UBL5: variants seen among roughly 807,000 people sequenced by gnomAD.
The protein encoded by UBL5 is ubiquitin-like protein 5.
Under a neutral mutation model 11.7 loss-of-function variants are expected in UBL5, and 13 were observed. The observed-to-expected ratio is 1.11, with a 90% CI of 0.73 to 1.77. The LOEUF (loss-of-function observed/expected upper bound fraction) is 1.77, where lower values mean the gene tolerates loss of function less well. Ranked by LOEUF, UBL5 falls within the 40% of genes most tolerant of loss-of-function variation. The probability of loss-of-function intolerance (pLI) is 0.00; values close to 1 mark genes in which losing one functional copy is unlikely to be tolerated. For missense variants in UBL5, 58 were observed against 92.3 expected (o/e 0.63, Z 1.52); for synonymous variants, 28 against 34.7 (o/e 0.81, Z 0.68).
chr19:9,828,261 T>G (rs2046035544), intron 1 of UBL5, 66 bp from the exon 2 acceptor site: 1 of 1,498,812 alleles, frequency 6.7e-7, no homozygotes, highest in African/African-American at 1.4e-5. Flanking sequence ...GGCTGGGGCT[T>G]CTGGGCCTGG....
chr19:9,828,858 C>T lies in UBL5; in HGVS notation c.162C>T (p.His54=), dbSNP rs1444060008. 7.4e-6 allele frequency: 12 copies of T among 1,614,032 alleles called. No homozygotes were observed. The highest frequency in any genetic ancestry group is 2.2e-5 in the East Asian group (1 of 44,898). ...TTAGGTACACGATTTTTAAGGACCA[C>T]GTGTCTCTGGGGGACTGTATCCTTT... The part of the protein sequence containing the change: ...LKKWYTIFKD[H]VSLGDYEIHD... Residue 54 remains histidine (H), a synonymous_variant, in exon 4 of 5, where the codon CAC becomes CAT. Transcript: ENST00000586895.
At position 9,828,315 on chromosome 19, in the gene UBL5, CGCTTTGTGTA is replaced by C. The variant is rs748299028; in HGVS notation, c.-11-8_-10del. On this transcript the variant is annotated splice_acceptor_variant and splice_polypyrimidine_tract_variant and intron_variant, in intron 1 of 4. Coordinates refer to ENST00000586895, the MANE Select transcript of UBL5 (RefSeq NM_001048241.3). ...ACTTTGCTGCCTCCCACCCACCCCC[CGCTTTGTGTA>C]GCTCCAGCTAGGATGATCGAGGTTG... 1.2e-6 allele frequency: 2 copies of C among 1,612,040 alleles called. No individual in the cohort carries two copies. Among genetic ancestry groups the C allele is most frequent in the African/African-American group, 1.3e-5 (1 of 74,962 alleles).
Position 9,828,315 on chromosome 19 carries a change from C to G in UBL5, c.-11-12C>G. The G allele has an allele frequency of 6.2e-7, 1 of 1,612,040 alleles. No individual in the cohort carries two copies. The highest frequency in any genetic ancestry group is 1.1e-5 in the South Asian group (1 of 91,012). On this transcript the variant is annotated splice_polypyrimidine_tract_variant and intron_variant, in intron 1 of 4. Coordinates refer to ENST00000586895, the MANE Select transcript of UBL5 (RefSeq NM_001048241.3). Reference sequence around the variant, plus strand: ...ACTTTGCTGCCTCCCACCCACCCCCCGCTTTGTGTAGCTCCAGCTAGGATG... The same window carrying G: ...ACTTTGCTGCCTCCCACCCACCCCCGGCTTTGTGTAGCTCCAGCTAGGATG...
intron 4 of UBL5, 73 bp downstream of exon 4, chr19:9,828,947 G>A (rs2046040827): frequency 1.4e-6 from 2 of 1,451,242 alleles, no homozygotes; most frequent in East Asian, 2.3e-5. Context: ...ACTAAAGTCT[G>A]CATGAGCTTA....
Position 9,828,296 on chromosome 19 carries a change from C to T in UBL5, c.-11-31C>T, listed in dbSNP as rs372660273. 73 of 1,605,570 alleles carry T rather than the reference C, an allele frequency of 4.5e-5. No individual in the cohort carries two copies. In the African/African-American group the frequency reaches 5.8e-4, roughly 13 times the overall value. On this transcript the variant is annotated intron_variant, in intron 1 of 4. Transcript: ENST00000586895. Reference sequence around the variant, plus strand: ...GGAGACGCCTGAAGCTCTGACTTTGCTGCCTCCCACCCACCCCCCGCTTTG... The same window carrying T: ...GGAGACGCCTGAAGCTCTGACTTTGTTGCCTCCCACCCACCCCCCGCTTTG...
At chr19:9,828,767 G>A (rs1271127226) in intron 3 of UBL5, 70 bp from the exon 4 acceptor site, 1 of 1,610,734 alleles carries the variant, frequency 6.2e-7, no homozygotes, top group African/African-American at 1.3e-5. Context: ...GCTTAGGCTT[G>A]GCTACCTCAT....
At position 9,829,996 on chromosome 19, in the gene UBL5, T is replaced by TTA; in HGVS notation, c.212_213dup (p.Tyr72IlefsTer5). On this transcript the variant is annotated frameshift_variant, in exon 5 of 5. Coordinates refer to ENST00000586895, the MANE Select transcript of UBL5 (RefSeq NM_001048241.3). ...TCCACGATGGGATGAACCTGGAGCT[T>TTA]TATTATCAATAGATGAGAATCCTCA... The TTA allele has an allele frequency of 3.7e-6, 6 of 1,614,060 alleles. No homozygotes were observed. Among genetic ancestry groups the TTA allele is most frequent in the Non-Finnish European group, 5.1e-6 (6 of 1,179,952 alleles).
chr19:9,828,231 C>A, intron 1 of UBL5, 96 bp from the exon 2 acceptor site: 1 of 1,208,128 alleles, frequency 8.3e-7, no homozygotes, highest in Non-Finnish European at 1.2e-6. Flanking sequence ...ATTTTAGGGC[C>A]TGGGACTGGG....
rs768776376 is a variant in UBL5, at chr19:9,828,355, C to T, written c.18C>T (p.Cys6=). ...CAGCTAGGATGATCGAGGTTGTTTG[C>T]AACGACCGTCTGGGGAAGAAGGTCC... is the stretch of plus-strand genomic sequence containing the variant. The part of the protein sequence containing the change: MIEVV[C]NDRLGKKVRV... Residue 6 remains cysteine, a synonymous_variant, in exon 2 of 5, where the codon TGC becomes TGT. Coordinates refer to ENST00000586895, the MANE Select transcript of UBL5 (RefSeq NM_001048241.3). 2 of 1,612,320 alleles carry T rather than the reference C, an allele frequency of 1.2e-6. No homozygotes were observed. The highest frequency in any genetic ancestry group is 1.7e-6 in the Non-Finnish European group (2 of 1,179,502).
At chr19:9,829,133 A>C (rs974689648) in intron 4 of UBL5, 11 of 544,046 alleles carry the variant, frequency 2.0e-5, no homozygotes, top group African/African-American at 1.7e-4. Flanking sequence ...GTGGGGTGAG[A>C]CTCAGGCATA....
In UBL5 at chr19:9,829,976, G is replaced by T. The variant is rs765166469; in HGVS notation, c.190G>T (p.Asp64Tyr). 1 of 1,613,980 alleles carries T rather than the reference G, an allele frequency of 6.2e-7. No homozygotes were observed. Among genetic ancestry groups the T allele is most frequent in the African/African-American group, 1.3e-5 (1 of 74,912 alleles). Residue 64 changes from aspartate to tyrosine, a missense_variant, in exon 5 of 5, where the codon GAT becomes TAT. Coordinates refer to ENST00000586895, the MANE Select transcript of UBL5 (RefSeq NM_001048241.3). ...HVSLGDYEIHDGMNLELYYQ is the reference protein window; with the variant it reads ...HVSLGDYEIHYGMNLELYYQ ...CACCTTTCCTTCAGATGAAATCCAC[G>T]ATGGGATGAACCTGGAGCTTTATTA...
rs370508056 is a variant in UBL5 at position 9,828,579 on chromosome 19, G to A, written c.57-13G>A. 1 of 1,614,174 alleles carries A rather than the reference G, an allele frequency of 6.2e-7. No homozygotes were observed. Among genetic ancestry groups the A allele is most frequent in the Non-Finnish European group, 8.5e-7 (1 of 1,180,036 alleles). On this transcript the variant is annotated splice_polypyrimidine_tract_variant and intron_variant, in intron 2 of 4. Transcript: ENST00000586895. ...TCTACCGCTTCCATTTGCCTTAACT[G>A]CTCTGCGCCCAGCACGGATGATACC...
At position 9,828,341 on chromosome 19, in the gene UBL5, A is replaced by C; in HGVS notation, c.4A>C (p.Ile2Leu). 6.5e-7 allele frequency: 1 copy of C among 1,540,726 alleles called. No individual in the cohort carries two copies. The highest frequency in any genetic ancestry group is 8.9e-7 in the Non-Finnish European group (1 of 1,118,720). Reference sequence around the variant, plus strand: ...GCTTTGTGTAGCTCCAGCTAGGATGATCGAGGTTGTTTGCAACGACCGTCT... The same window carrying C: ...GCTTTGTGTAGCTCCAGCTAGGATGCTCGAGGTTGTTTGCAACGACCGTCT... M[I>L]EVVCNDRLGK... Residue 2 changes from isoleucine to leucine, a missense_variant, in exon 2 of 5, where the codon ATC becomes CTC. Ile to Leu is a conservative substitution (Grantham distance 5). Transcript: ENST00000586895.
intron 4 of UBL5, 144 bp from the exon 5 acceptor site, chr19:9,829,821 T>A: frequency 2.4e-6 from 2 of 844,836 alleles, no homozygotes; most frequent in Non-Finnish European, 3.8e-6. Context: ...AAAGTTTTGG[T>A]TCTCTCCAAA....
chr19:9,829,969 A>C lies in UBL5; in HGVS notation c.183A>C (p.Glu61Asp), dbSNP rs1568355038. Reference sequence around the variant, plus strand: ...TCCTTAACACCTTTCCTTCAGATGAAATCCACGATGGGATGAACCTGGAGC... The same window carrying C: ...TCCTTAACACCTTTCCTTCAGATGACATCCACGATGGGATGAACCTGGAGC... The part of the protein sequence containing the change: ...FKDHVSLGDY[E>D]IHDGMNLELY... Residue 61 changes from glutamate to aspartate, a missense_variant, in exon 5 of 5, where the codon GAA becomes GAC. By Grantham distance (45) the Glu-to-Asp change is conservative (BLOSUM62 2). Coordinates refer to ENST00000586895, the MANE Select transcript of UBL5 (RefSeq NM_001048241.3). 1 of 1,614,104 alleles carries C rather than the reference A, an allele frequency of 6.2e-7. No homozygotes were observed. Among genetic ancestry groups the C allele is most frequent in the Non-Finnish European group, 8.5e-7 (1 of 1,179,994 alleles).
At chr19:9,829,490 CAG>C (rs983353190) in intron 4 of UBL5, 1 of 158,318 alleles carries the variant, frequency 6.3e-6, no homozygotes, top group African/African-American at 2.5e-5. Context: ...CTAGAAGGAA[CAG>C]AAACTTTTTT....
chr19:9,828,380 C>G lies in UBL5; in HGVS notation c.43C>G (p.Arg15Gly). ...CAACGACCGTCTGGGGAAGAAGGTC[C>G]GCGTTAAATGCAAGTATCCACTGGC... The part of the protein sequence containing the change: ...VCNDRLGKKV[R>G]VKCNTDDTIG... Residue 15 changes from arginine (R) to glycine (G), a missense_variant, in exon 2 of 5, where the codon CGC (arginine) becomes GGC (glycine). Arg to Gly is a moderately radical substitution (Grantham distance 125). Coordinates refer to ENST00000586895, the MANE Select transcript of UBL5 (RefSeq NM_001048241.3). 1.9e-6 allele frequency: 3 copies of G among 1,613,980 alleles called. No homozygotes were observed. Among genetic ancestry groups the G allele is most frequent in the Non-Finnish European group, 2.5e-6 (3 of 1,180,000 alleles).
At chr19:9,828,457 C>A in intron 2 of UBL5, 64 bp downstream of exon 2, 1 of 1,609,940 alleles carries the variant, frequency 6.2e-7, no homozygotes, top group East Asian at 2.2e-5. Flanking sequence ...GCAGGCAACT[C>A]AATCTGTGTT....
intron 1 of UBL5, 117 bp from the exon 2 acceptor site, chr19:9,828,210 A>G (rs940143796): frequency 8.2e-6 from 8 of 979,922 alleles, no homozygotes; most frequent in African/African-American, 6.4e-5. Flanking sequence ...CGGAAGGCTC[A>G]GTAACCTGGA....
Sources: gnomAD v4.1 joint callset for allele counts on GRCh38, gnomAD v4.1.1 for gene constraint, MANE v1.5 for transcripts, NCBI Gene and HGNC (gene_info 2026-07-23, HGNC 2026-07-21) for gene names.